BBOX1: variants seen among roughly 807,000 people sequenced by gnomAD.
BBOX1 encodes the protein gamma-butyrobetaine dioxygenase.
BBOX1 carries 35 observed loss-of-function variants against 41.6 expected under a neutral mutation model. The ratio of observed to expected loss-of-function variants is 0.84; its 90% CI spans 0.64 to 1.11. The LOEUF (loss-of-function observed/expected upper bound fraction) is 1.11. Among genes scored for constraint, BBOX1 ranks in the 50% most tolerant of loss-of-function variants. The pLI is 0.00. For missense variants in BBOX1, 458 were observed against 460.6 expected, an observed-to-expected ratio of 0.99 and a Z score of 0.05; for synonymous variants, 163 against 154.7, an observed-to-expected ratio of 1.05 and a Z score of -0.40.
intron 4 of BBOX1, among the ~76,000 whole-genome samples, chr11:27,092,577 G>A (rs1043640968): frequency 2.0e-5 from 3 of 151,776 alleles, no homozygotes; most frequent in African/African-American, 4.8e-5. Context: ...TCTGTGTGGC[G>A]CTCCCACTAA....
At position 27,099,515 on chromosome 11, in the gene BBOX1, T is replaced by G. The variant is rs1858566620; in HGVS notation, c.533+6149T>G. On this transcript the variant is annotated intron_variant, in intron 5 of 8. Coordinates refer to ENST00000263182, the MANE Select transcript of BBOX1 (RefSeq NM_003986.3). Reference sequence around the variant, plus strand: ...AAGCTATATAACTGTTGAATAAAACTTATAAGGCCACAAGTTTATAGTAGA... The same window carrying G: ...AAGCTATATAACTGTTGAATAAAACGTATAAGGCCACAAGTTTATAGTAGA... 2.0e-5 allele frequency among the ~76,000 whole-genome samples: 3 copies of G among 151,944 alleles called. 1 individual carries two copies. The South Asian group carries it at 6.2e-4, about 32-fold the overall frequency.
At chr11:27,108,626 G>C (rs1330556380) in intron 5 of BBOX1, among the ~76,000 whole-genome samples, 2 of 151,986 alleles carry the variant, frequency 1.3e-5, no homozygotes, top group Non-Finnish European at 2.9e-5. Context: ...ACACATATTT[G>C]AAATGAGTTG....
intron 4 of BBOX1, among the ~76,000 whole-genome samples, chr11:27,078,834 CT>C (rs1488656013): frequency 6.6e-6 from 1 of 152,122 alleles, no homozygotes; most frequent in Non-Finnish European, 1.5e-5. Context: ...GTGAACTTGA[CT>C]TAGTTTCATA....
chr11:27,122,566 T>G (rs1180939304), intron 7 of BBOX1, among the ~76,000 whole-genome samples: 3 of 152,272 alleles, frequency 2.0e-5, no homozygotes, highest in Non-Finnish European at 2.9e-5. Context: ...AAACAGAGAC[T>G]ATAATCAGTT....
intron 4 of BBOX1, among the ~76,000 whole-genome samples, chr11:27,063,953 T>G (rs1379718241): frequency 6.6e-6 from 1 of 151,962 alleles, no homozygotes; most frequent in Non-Finnish European, 1.5e-5. Context: ...AGATTTGGTT[T>G]GGTGCAGAGG....
intron 5 of BBOX1, among the ~76,000 whole-genome samples, chr11:27,111,386 A>T (rs1250234087): frequency 6.6e-6 from 1 of 151,978 alleles, no homozygotes; most frequent in African/African-American, 2.4e-5. Flanking sequence ...AAAATTACCC[A>T]TTGGGTACTA....
chr11:27,080,820 G>C (rs6484264), intron 4 of BBOX1, among the ~76,000 whole-genome samples: 3 of 152,110 alleles, frequency 2.0e-5, no homozygotes, highest in Non-Finnish European at 4.4e-5. Context: ...ATGTAAGTTA[G>C]AGTTAACTAG....
intron 4 of BBOX1, among the ~76,000 whole-genome samples, chr11:27,070,099 C>A (rs990145943): frequency 6.6e-6 from 1 of 151,980 alleles, no homozygotes; most frequent in Non-Finnish European, 1.5e-5. Context: ...GAGTTAATTT[C>A]CAGTTTTATT....
chr11:27,071,556 C>T (rs1857451878), intron 4 of BBOX1, among the ~76,000 whole-genome samples: 1 of 151,966 alleles, frequency 6.6e-6, no homozygotes, highest in Non-Finnish European at 1.5e-5. Context: ...CCTTGCTGTT[C>T]CCATGATAGT....
At chr11:27,104,511 C>T (rs1858787903) in intron 5 of BBOX1, among the ~76,000 whole-genome samples, 1 of 152,118 alleles carries the variant, frequency 6.6e-6, no homozygotes. Flanking sequence ...ATAATTTCAC[C>T]ACTATCATTT....
At position 27,063,922 on chromosome 11, in the gene BBOX1, C is replaced by T. The variant is rs368428162; in HGVS notation, c.334+6607C>T. On this transcript the variant is annotated intron_variant, in intron 4 of 8. Transcript: ENST00000263182. ...CCATATATTTACTTGAAGATGGAGA[C>T]TTTATGACAGTGCAAAAACCAGATT... Among the ~76,000 whole-genome samples, 19 of 152,152 alleles carry T rather than the reference C, an allele frequency of 1.2e-4. No individual in the cohort carries two copies. In the South Asian group the frequency reaches 3.9e-3, roughly 32 times the overall value.
chr11:27,092,082 G>A (rs1013437834), intron 4 of BBOX1, among the ~76,000 whole-genome samples: 7 of 151,844 alleles, frequency 4.6e-5, no homozygotes, highest in Non-Finnish European at 7.4e-5. Flanking sequence ...ACTATCTGAC[G>A]CCTACAAAAA....
intron 2 of BBOX1, among the ~76,000 whole-genome samples, chr11:27,049,278 G>C (rs1290609254): frequency 6.6e-6 from 1 of 152,082 alleles, no homozygotes; most frequent in Non-Finnish European, 1.5e-5. Context: ...TCTAACAGAT[G>C]TGAGATGATC....
chr11:27,081,331 T>C (rs1012063697), intron 4 of BBOX1, among the ~76,000 whole-genome samples: 5 of 152,158 alleles, frequency 3.3e-5, no homozygotes, highest in African/African-American at 1.2e-4. Flanking sequence ...TTGTGATAGA[T>C]TGCTGAGAAT....
intron 4 of BBOX1, among the ~76,000 whole-genome samples, chr11:27,082,473 G>T (rs1226082536): frequency 2.0e-5 from 3 of 152,100 alleles, no homozygotes; most frequent in Admixed American, 2.0e-4. Flanking sequence ...CCAACTCTAA[G>T]GAAGTCTGGG....
At chr11:27,115,311 C>T (rs904836209) in intron 5 of BBOX1, 141 bp from the exon 6 acceptor site, 1 of 616,354 alleles carries the variant, frequency 1.6e-6, no homozygotes, top group Non-Finnish European at 2.7e-6. Context: ...GGTCAGATTC[C>T]TTGTCTCACT....
intron 6 of BBOX1, among the ~76,000 whole-genome samples, chr11:27,116,592 A>G (rs529044659): frequency 1.3e-5 from 2 of 152,060 alleles, no homozygotes; most frequent in East Asian, 3.9e-4. Context: ...CTTCAGTCAT[A>G]TACCTGCAAT....
intron 5 of BBOX1, among the ~76,000 whole-genome samples, chr11:27,101,533 T>C (rs1245602747): frequency 6.6e-6 from 1 of 152,146 alleles, no homozygotes; most frequent in Non-Finnish European, 1.5e-5. Context: ...ATTTGTTTTT[T>C]ATAATGAAGC....
intron 5 of BBOX1, among the ~76,000 whole-genome samples, chr11:27,112,329 G>A (rs1473180291): frequency 1.3e-5 from 2 of 151,956 alleles, no homozygotes; most frequent in African/African-American, 4.8e-5. Context: ...AGAAGTCACA[G>A]TCATAGTTAT....
Sources: gnomAD v4.1 joint callset for allele counts (sites outside exome capture counted in the v4.1 genomes callset) on GRCh38, gnomAD v4.1.1 for gene constraint, MANE v1.5 for transcripts, NCBI Gene and HGNC (gene_info 2026-07-23, HGNC 2026-07-21) for gene names.